POU6F2: variants seen among roughly 807,000 people sequenced by gnomAD.
The protein encoded by POU6F2 is POU class 6 homeobox 2, also known as POU domain, class 6, transcription factor 2.
A neutral mutation model predicts 71.3 loss-of-function variants in POU6F2; 31 were observed. The ratio of observed to expected loss-of-function variants is 0.43; its 90% CI spans 0.33 to 0.59. POU6F2 has a LOEUF of 0.59. Ranked by LOEUF, POU6F2 falls within the 20% of genes least tolerant of loss-of-function variation. The pLI, the probability that POU6F2 is intolerant of heterozygous loss-of-function variation, is 0.04. For missense variants in POU6F2, 783 were observed against 856.8 expected (o/e 0.91, Z 1.07); for synonymous variants, 347 against 355.7 (o/e 0.98, Z 0.27).
chr7:39,409,980 G>T (rs575069591), intron 6 of POU6F2, among the ~76,000 whole-genome samples: 1 of 152,176 alleles, frequency 6.6e-6, no homozygotes, highest in African/African-American at 2.4e-5. Flanking sequence ...CCACCCATTC[G>T]TGTGTCATTC....
At chr7:39,402,373 C>CA (rs1370809255) in intron 5 of POU6F2, among the ~76,000 whole-genome samples, 1 of 151,950 alleles carries the variant, frequency 6.6e-6, no homozygotes, top group Non-Finnish European at 1.5e-5. Context: ...GATATGTAGA[C>CA]ATAGAAATAA....
chr7:39,248,983 AC>A (rs1313068025), intron 4 of POU6F2, among the ~76,000 whole-genome samples: 1 of 152,156 alleles, frequency 6.6e-6, no homozygotes, highest in Non-Finnish European at 1.5e-5. Flanking sequence ...CCACAGTTTA[AC>A]TGCCAGATCC....
chr7:39,027,216 G>T (rs1030972034), intron 1 of POU6F2, among the ~76,000 whole-genome samples: 1 of 152,126 alleles, frequency 6.6e-6, no homozygotes, highest in Non-Finnish European at 1.5e-5. Context: ...GTATGCTTGA[G>T]ACCTTTGAAG....
chr7:39,272,023 A>G (rs1023891905), intron 4 of POU6F2, among the ~76,000 whole-genome samples: 17 of 152,094 alleles, frequency 1.1e-4, no homozygotes, highest in South Asian at 6.2e-4. Flanking sequence ...TTGTTAGATC[A>G]GATTACAGAA....
At chr7:39,411,537 G>A (rs1444653159) in intron 6 of POU6F2, among the ~76,000 whole-genome samples, 4 of 152,260 alleles carry the variant, frequency 2.6e-5, no homozygotes, top group Non-Finnish European at 5.9e-5. Context: ...AGTCAAGGGG[G>A]GGGAAGTCAA....
chr7:39,069,611 G>C (rs1418569549), intron 1 of POU6F2, among the ~76,000 whole-genome samples: 1 of 152,070 alleles, frequency 6.6e-6, no homozygotes, highest in African/African-American at 2.4e-5. Context: ...ATAGCCTACT[G>C]TTGACCAAAA....
chr7:39,378,825 A>G (rs981451201), intron 5 of POU6F2, among the ~76,000 whole-genome samples: 2 of 152,222 alleles, frequency 1.3e-5, no homozygotes, highest in African/African-American at 4.8e-5. Context: ...TTGGCAATTC[A>G]TGTGCATATA....
intron 6 of POU6F2, among the ~76,000 whole-genome samples, chr7:39,412,957 C>T (rs368279838): frequency 1.3e-5 from 2 of 150,666 alleles, no homozygotes; most frequent in Admixed American, 6.6e-5. Flanking sequence ...CCTGCCACCA[C>T]GCCTGGCTAA....
At chr7:39,170,970 A>G (rs1048145897) in intron 2 of POU6F2, among the ~76,000 whole-genome samples, 3 of 151,660 alleles carry the variant, frequency 2.0e-5, no homozygotes, top group Non-Finnish European at 4.4e-5. Flanking sequence ...TAAAAAATAA[A>G]TAACAATTTT....
chr7:39,301,602 C>A (rs1232270256), intron 4 of POU6F2, among the ~76,000 whole-genome samples: 1 of 152,196 alleles, frequency 6.6e-6, no homozygotes, highest in African/African-American at 2.4e-5. Flanking sequence ...CATCATTCCA[C>A]CCTGTCATGA....
chr7:39,409,232 A>G (rs554549290), intron 6 of POU6F2, among the ~76,000 whole-genome samples: 2 of 152,300 alleles, frequency 1.3e-5, no homozygotes, highest in African/African-American at 4.8e-5. Flanking sequence ...CTTGACATCA[A>G]CTATTGTTTA....
chr7:39,306,975 T>A (rs1785059094), intron 4 of POU6F2, among the ~76,000 whole-genome samples: 1 of 152,190 alleles, frequency 6.6e-6, no homozygotes, highest in African/African-American at 2.4e-5. Flanking sequence ...GGATCAGAAT[T>A]TTGAAGGGAT....
At chr7:39,334,297 C>G (rs1016653579) in intron 4 of POU6F2, among the ~76,000 whole-genome samples, 1 of 152,038 alleles carries the variant, frequency 6.6e-6, no homozygotes, top group Non-Finnish European at 1.5e-5. Context: ...AGACAGAATT[C>G]TGGGTACACA....
At chr7:39,238,340 T>C (rs1794712469) in intron 4 of POU6F2, among the ~76,000 whole-genome samples, 1 of 152,074 alleles carries the variant, frequency 6.6e-6, no homozygotes, top group African/African-American at 2.4e-5. Flanking sequence ...TCTCCCTCCT[T>C]AGACTAACTT....
intron 8 of POU6F2, among the ~76,000 whole-genome samples, chr7:39,458,491 C>T (rs17619856): frequency 0.12 from 17,984 of 151,876 alleles, 1,218 homozygotes; most frequent in Admixed American, 0.19. Flanking sequence ...AAAAAGGGCT[C>T]GAGACTGCGA....
At chr7:39,171,169 G>A (rs1793212803) in intron 2 of POU6F2, among the ~76,000 whole-genome samples, 1 of 151,662 alleles carries the variant, frequency 6.6e-6, no homozygotes. Context: ...TTAGGTATTT[G>A]TCCTAATGTT....
rs558818638 is a variant in POU6F2 at position 39,377,890 on chromosome 7, G to T, written c.973-28710G>T. The stretch of plus-strand genomic sequence containing the variant: ...ATAACCTGCATAAGAGCCACAAAAG[G>T]TAGGTACCTCTAAGAAGAGCTGGTT... On this transcript the variant is annotated intron_variant, in intron 5 of 9. Coordinates refer to ENST00000518318, the MANE Select transcript of POU6F2 (RefSeq NM_001370959.1). 5.3e-5 allele frequency among the ~76,000 whole-genome samples: 8 copies of T among 152,302 alleles called. No individual in the cohort carries two copies. In the East Asian group the frequency reaches 1.2e-3, roughly 22 times the overall value.
At chr7:39,331,539 G>A (rs570778475) in intron 4 of POU6F2, among the ~76,000 whole-genome samples, 9 of 151,914 alleles carry the variant, frequency 5.9e-5, no homozygotes, top group African/African-American at 1.5e-4. Flanking sequence ...ATGGAGTCTC[G>A]CTCTGTCACT....
At chr7:39,042,881 ATCT>A (rs1338141920) in intron 1 of POU6F2, among the ~76,000 whole-genome samples, 3 of 151,966 alleles carry the variant, frequency 2.0e-5, no homozygotes, top group Non-Finnish European at 2.9e-5. Flanking sequence ...GAGAATAGAA[ATCT>A]TCTCCTTTGT....
Sources: gnomAD v4.1 joint callset for allele counts (sites outside exome capture counted in the v4.1 genomes callset) on GRCh38, gnomAD v4.1.1 for gene constraint, MANE v1.5 for transcripts, NCBI Gene and HGNC (gene_info 2026-07-23, HGNC 2026-07-21) for gene names.